PRKG1: variants seen among roughly 807,000 people sequenced by gnomAD.
The protein encoded by PRKG1 is protein kinase cGMP-dependent 1, also known as cGMP-dependent protein kinase 1.
In PRKG1, 35 loss-of-function variants were observed where a neutral mutation model predicts 88.1. The observed-to-expected ratio is 0.40, with a 90% CI of 0.30 to 0.53. PRKG1 has a LOEUF of 0.53. Among genes scored for constraint, PRKG1 ranks in the 20% least tolerant of loss-of-function variants. The pLI is 0.59. For missense variants in PRKG1, 540 were observed against 839.8 expected, an observed-to-expected ratio of 0.64 and a Z score of 4.41; for synonymous variants, 303 against 292.5, an observed-to-expected ratio of 1.04 and a Z score of -0.37.
At chr10:51,649,643 C>A (rs868416629) in intron 3 of PRKG1, among the ~76,000 whole-genome samples, 1 of 151,998 alleles carries the variant, frequency 6.6e-6, no homozygotes, top group African/African-American at 2.4e-5. Context: ...AAATGCTCAG[C>A]GAAGCAAGGA....
chr10:52,204,675 C>A (rs773865587), intron 9 of PRKG1, among the ~76,000 whole-genome samples: 1 of 152,150 alleles, frequency 6.6e-6, no homozygotes, highest in Admixed American at 6.5e-5. Flanking sequence ...CTCTTAATCC[C>A]ATCATCTTTG....
At chr10:51,410,490 G>A (rs1379148707) in intron 2 of PRKG1, among the ~76,000 whole-genome samples, 1 of 151,966 alleles carries the variant, frequency 6.6e-6, no homozygotes, top group Non-Finnish European at 1.5e-5. Context: ...ATGTTTTTCT[G>A]CCTGCTTTAT....
chr10:51,869,567 C>T (rs944240726), intron 4 of PRKG1, among the ~76,000 whole-genome samples: 6 of 152,022 alleles, frequency 3.9e-5, no homozygotes, highest in Admixed American at 3.3e-4. Context: ...TATCATCTAG[C>T]TCATCTGGCT....
At chr10:51,812,243 C>A (rs1839475547) in intron 4 of PRKG1, among the ~76,000 whole-genome samples, 1 of 152,192 alleles carries the variant, frequency 6.6e-6, no homozygotes, top group African/African-American at 2.4e-5. Flanking sequence ...AAAGCATTTT[C>A]TGCATCCTGC....
intron 5 of PRKG1, among the ~76,000 whole-genome samples, chr10:51,977,657 C>T (rs1177714299): frequency 6.6e-6 from 1 of 152,038 alleles, no homozygotes; most frequent in Non-Finnish European, 1.5e-5. Flanking sequence ...TTAATAATTG[C>T]CATTCTAACT....
intron 5 of PRKG1, among the ~76,000 whole-genome samples, chr10:52,013,850 T>C (rs1453136799): frequency 6.6e-6 from 1 of 152,212 alleles, no homozygotes; most frequent in Non-Finnish European, 1.5e-5. Context: ...CTCACTTTTC[T>C]CTTTCCTCTT....
chr10:51,464,103 C>T (rs1197723223), intron 2 of PRKG1, among the ~76,000 whole-genome samples: 1 of 149,702 alleles, frequency 6.7e-6, no homozygotes, highest in Non-Finnish European at 1.5e-5. Context: ...AAACCCATCT[C>T]TACTAAAATA....
chr10:51,702,376 T>G (rs7082597), intron 3 of PRKG1, among the ~76,000 whole-genome samples: 21,776 of 152,158 alleles, frequency 0.14, 2,508 homozygotes, highest in African/African-American at 0.32. Context: ...TAACTCAATG[T>G]CCCCAAATCA....
intron 4 of PRKG1, among the ~76,000 whole-genome samples, chr10:51,883,369 T>C (rs1841483654): frequency 6.6e-6 from 1 of 152,228 alleles, no homozygotes. Flanking sequence ...TCTCAGTCTG[T>C]ATAGACAAAT....
intron 3 of PRKG1, among the ~76,000 whole-genome samples, chr10:51,740,261 T>G (rs1205880022): frequency 1.3e-5 from 2 of 152,110 alleles, no homozygotes; most frequent in Non-Finnish European, 2.9e-5. Flanking sequence ...CCTCCTGAGG[T>G]CAAGCAGTCC....
At chr10:52,069,852 T>A (rs1846452454) in intron 7 of PRKG1, among the ~76,000 whole-genome samples, 1 of 152,130 alleles carries the variant, frequency 6.6e-6, no homozygotes, top group South Asian at 2.1e-4. Flanking sequence ...TCATTCTCGG[T>A]CAATATATTA....
At chr10:51,507,088 G>A (rs1177418982) in intron 3 of PRKG1, among the ~76,000 whole-genome samples, 8 of 150,438 alleles carry the variant, frequency 5.3e-5, no homozygotes, top group Non-Finnish European at 1.0e-4. Context: ...ACTCATAGGT[G>A]GGAATTGAAC....
At position 51,943,880 on chromosome 10, in the gene PRKG1, C is replaced by T. The variant is rs566694803; in HGVS notation, c.762+36310C>T. On this transcript the variant is annotated intron_variant, in intron 5 of 17. Transcript: ENST00000373980. ...CCAGTATTTTATTGAGGATTTTTGC[C>T]TCAATGTTCATCAAGGATATTGGTC... Among the ~76,000 whole-genome samples, 24 of 151,964 alleles carry T rather than the reference C, an allele frequency of 1.6e-4. 1 individual carries two copies. Among genetic ancestry groups the T allele is most frequent in the South Asian group, 8.3e-4 (4 of 4,828 alleles).
intron 4 of PRKG1, among the ~76,000 whole-genome samples, chr10:51,847,808 C>T (rs1309931949): frequency 5.1e-5 from 6 of 116,768 alleles, no homozygotes; most frequent in Admixed American, 1.2e-4. Flanking sequence ...TTGAGGCCAG[C>T]CTGGGCAACA....
intron 3 of PRKG1, among the ~76,000 whole-genome samples, chr10:51,476,708 C>T (rs897798701): frequency 5.9e-5 from 9 of 151,956 alleles, no homozygotes; most frequent in Admixed American, 6.6e-5. Context: ...AATAGGGGAA[C>T]AGCCTCCAGG....
intron 3 of PRKG1, among the ~76,000 whole-genome samples, chr10:51,642,744 G>T (rs1459637587): frequency 6.6e-6 from 1 of 152,170 alleles, no homozygotes; most frequent in African/African-American, 2.4e-5. Flanking sequence ...TTAACAATGG[G>T]CTTATTATAA....
At chr10:51,987,212 T>A (rs866421633) in intron 5 of PRKG1, among the ~76,000 whole-genome samples, 16 of 152,114 alleles carry the variant, frequency 1.1e-4, no homozygotes, top group African/African-American at 3.9e-4. Flanking sequence ...GTAAATGATG[T>A]CCAGCAAAGG....
intron 1 of PRKG1, among the ~76,000 whole-genome samples, chr10:51,004,804 A>C (rs1309484964): frequency 1.3e-5 from 2 of 152,158 alleles, no homozygotes; most frequent in African/African-American, 2.4e-5. Context: ...AATAAGGATA[A>C]AACTGTATCT....
intron 3 of PRKG1, among the ~76,000 whole-genome samples, chr10:51,474,299 T>G (rs1840133294): frequency 6.6e-6 from 1 of 152,048 alleles, no homozygotes; most frequent in Non-Finnish European, 1.5e-5. Flanking sequence ...CTGCAATGTT[T>G]CATTTTGCTT....
Sources: gnomAD v4.1 joint callset for allele counts (sites outside exome capture counted in the v4.1 genomes callset) on GRCh38, gnomAD v4.1.1 for gene constraint, MANE v1.5 for transcripts, NCBI Gene and HGNC (gene_info 2026-07-23, HGNC 2026-07-21) for gene names.